LTBR: variants seen among roughly 807,000 people sequenced by gnomAD.
The protein encoded by LTBR is tumor necrosis factor receptor superfamily member 3.
Under a neutral mutation model 45.4 loss-of-function variants are expected in LTBR, and 15 were observed. That is an observed-to-expected ratio of 0.33 (90% confidence interval 0.22 to 0.51). The LOEUF is 0.51. Among genes scored for constraint, LTBR ranks in the 20% least tolerant of loss-of-function variants. The pLI is 0.97. For synonymous variants in LTBR, 228 were observed against 231.0 expected, an observed-to-expected ratio of 0.99 and a Z score of 0.12; for missense variants, 450 against 565.5, an observed-to-expected ratio of 0.80 and a Z score of 2.07.
intron 1 of LTBR, chr12:6,377,855 T>A: frequency 2.5e-6 from 1 of 400,356 alleles, no homozygotes; most frequent in South Asian, 1.8e-5. Flanking sequence ...ATGCCTGGTC[T>A]GGGCTGAGCC....
Position 6,386,236 on chromosome 12 carries a change from C to T in LTBR, c.569+74C>T. 3 of 1,496,928 alleles carry T rather than the reference C, an allele frequency of 2.0e-6. No homozygotes were observed. The highest frequency in any genetic ancestry group is 2.8e-6 in the Non-Finnish European group (3 of 1,075,860). 92.7% of individuals were successfully genotyped at this position (1,496,928 alleles called of 1,614,324 possible). On this transcript the variant is annotated intron_variant, in intron 5 of 9. Coordinates refer to ENST00000228918, the MANE Select transcript of LTBR (RefSeq NM_002342.3). The surrounding 1 kb of genome is among the most constrained non-coding windows in gnomAD (Gnocchi z 4.1). ...CTGCTAACAACCCCCAGCGCCTATC[C>T]TTGACACCACGGACTCGACTCACCA...
intron 1 of LTBR, chr12:6,375,605 C>CGGGGG: frequency 6.8e-7 from 1 of 1,473,892 alleles, no homozygotes; most frequent in South Asian, 1.3e-5. Flanking sequence ...GTGAGCAGGG[C>CGGGGG]GGGGGGAGGG....
chr12:6,390,974 G>A lies in LTBR; in HGVS notation c.*37G>A, dbSNP rs533094790. The A allele has an allele frequency of 7.8e-5, 117 of 1,502,600 alleles. No individual in the cohort carries two copies. The highest frequency in any genetic ancestry group is 1.0e-4 in the Non-Finnish European group (115 of 1,125,020). 93.1% of individuals were successfully genotyped at this position (1,502,600 alleles called of 1,614,324 possible). A position where few individuals can be genotyped will look rare whatever the true frequency, so the allele number is the denominator to read the frequency against. Reference sequence around the variant, plus strand: ...AAAAGGCAGAAGAAGGGGGGCACAAGGGCACCTTCTCCCTTGAGGCTGCCC... The same window carrying A: ...AAAAGGCAGAAGAAGGGGGGCACAAAGGCACCTTCTCCCTTGAGGCTGCCC... On this transcript the variant is annotated 3_prime_UTR_variant, in exon 10 of 10. Coordinates refer to ENST00000228918, the MANE Select transcript of LTBR (RefSeq NM_002342.3).
chr12:6,389,146 C>T, intron 8 of LTBR: 1 of 287,790 alleles, frequency 3.5e-6, no homozygotes, highest in Non-Finnish European at 6.8e-6. Context: ...GTATTTTAGA[C>T]AGAGTGGAGA....
At chr12:6,376,372 G>A (rs914816019) in intron 1 of LTBR, among the ~76,000 whole-genome samples, 2 of 152,188 alleles carry the variant, frequency 1.3e-5, no homozygotes, top group Admixed American at 1.3e-4. Flanking sequence ...ATGTGTAATC[G>A]CCCCTGCTGT....
chr12:6,383,160 G>C (rs1367985889), upstream of LTBR, among the ~76,000 whole-genome samples: 1 of 152,182 alleles, frequency 6.6e-6, no homozygotes, highest in Non-Finnish European at 1.5e-5. Context: ...ACCTAGGGCA[G>C]AGGTTGCCTT....
chr12:6,375,663 C>T (rs1178515597), intron 1 of LTBR: 9 of 1,471,290 alleles, frequency 6.1e-6, no homozygotes, highest in Non-Finnish European at 8.1e-6. Flanking sequence ...AGGAGGGCTC[C>T]CGAGGGCAGG....
chr12:6,389,496 A>G (rs10849449), intron 8 of LTBR: 108,628 of 154,930 alleles, frequency 0.7, 38,475 homozygotes, highest in African/African-American at 0.79. Context: ...TGGTCTCTGA[A>G]CAGGAGGGCA....
At chr12:6,375,401 A>G, upstream of LTBR, 3 of 1,502,174 alleles carry the variant, frequency 2.0e-6, no homozygotes, top group Non-Finnish European at 2.7e-6. Flanking sequence ...GCAGGGCTCC[A>G]GGAGGTCTGG....
intron 1 of LTBR, among the ~76,000 whole-genome samples, chr12:6,378,058 A>G (rs1234447768): frequency 2.0e-5 from 3 of 152,192 alleles, no homozygotes; most frequent in African/African-American, 4.8e-5. Flanking sequence ...ATACACAAAT[A>G]TGTTTTTGTC....
At chr12:6,379,201 C>T (rs1948952271), upstream of LTBR, among the ~76,000 whole-genome samples, 1 of 152,196 alleles carries the variant, frequency 6.6e-6, no homozygotes, top group Non-Finnish European at 1.5e-5. Flanking sequence ...CAGGCGTATT[C>T]ATCTTGGTGA....
At chr12:6,380,041 G>A (rs181048505), upstream of LTBR, among the ~76,000 whole-genome samples, 25 of 152,048 alleles carry the variant, frequency 1.6e-4, no homozygotes, top group Admixed American at 1.3e-3. Flanking sequence ...TGACATTTTC[G>A]GCTGTATCAT....
At chr12:6,379,900 C>T (rs976239487), upstream of LTBR, among the ~76,000 whole-genome samples, 3 of 144,066 alleles carry the variant, frequency 2.1e-5, no homozygotes, top group African/African-American at 7.9e-5. Context: ...TGCCACTGCA[C>T]TCCAGCCTGG....
chr12:6,384,130 T>A (rs898615975), upstream of LTBR: 1 of 1,269,596 alleles, frequency 7.9e-7, no homozygotes, highest in Non-Finnish European at 9.9e-7. Flanking sequence ...CTCCCAGCGC[T>A]CCCTGTCCCC....
intron 6 of LTBR, chr12:6,387,768 C>T (rs1484694806): frequency 2.4e-6 from 1 of 408,478 alleles, no homozygotes; most frequent in Non-Finnish European, 5.0e-6. Flanking sequence ...AGAAGCCGAA[C>T]TCCAGCCTCT....
chr12:6,377,664 T>TA, intron 1 of LTBR: 17 of 1,303,340 alleles, frequency 1.3e-5, no homozygotes, highest in Non-Finnish European at 1.7e-5. Context: ...GCCAGGTCCT[T>TA]ACATTGGGCA....
chr12:6,385,859 C>A, intron 4 of LTBR: 1 of 456,934 alleles, frequency 2.2e-6, no homozygotes, highest in South Asian at 2.7e-5. Context: ...GAGCCGAGAT[C>A]GCGCCACTGC....
chr12:6,375,446 G>A, exon 1 of LTBR: 1 of 1,535,100 alleles, frequency 6.5e-7, no homozygotes. Context: ...GGTTGCGGCT[G>A]GACTGGGACT....
chr12:6,383,626 T>A (rs1476150546), upstream of LTBR, among the ~76,000 whole-genome samples: 1 of 152,090 alleles, frequency 6.6e-6, no homozygotes, highest in Non-Finnish European at 1.5e-5. Flanking sequence ...CTGTGCCCAC[T>A]CCTGTGCGGA....
Sources: allele counts gnomAD v4.1 joint callset (sites outside exome capture counted in the v4.1 genomes callset), GRCh38; gene constraint gnomAD v4.1.1; non-coding constraint Gnocchi (gnomAD v3.1); transcripts MANE v1.5; gene names NCBI Gene and HGNC (gene_info 2026-07-23, HGNC 2026-07-21).